The following CTNND2 variants were observed in gnomAD, a reference collection of about 807,000 sequenced individuals.
The protein encoded by CTNND2 is catenin delta 2.
In CTNND2, 22 loss-of-function variants were observed where a neutral mutation model predicts 144.4. The observed-to-expected ratio is 0.15, with a 90% CI of 0.11 to 0.22. CTNND2 has a LOEUF of 0.22. Among genes scored for constraint, CTNND2 ranks in the 10% least tolerant of loss-of-function variants. The pLI, the probability that CTNND2 is intolerant of heterozygous loss-of-function variation, is 1.00. For missense variants in CTNND2, 1,353 were observed against 1,618.8 expected, an observed-to-expected ratio of 0.84 and a Z score of 2.82; for synonymous variants, 751 against 695.6, an observed-to-expected ratio of 1.08 and a Z score of -1.25.
chr5:11,460,115 T>C (rs31950), intron 3 of CTNND2, among the ~76,000 whole-genome samples: 12,068 of 152,182 alleles, frequency 0.079, 1,475 homozygotes, highest in African/African-American at 0.26. Flanking sequence ...CTGTCTTCAA[T>C]ACATGATGCC....
At chr5:11,625,016 T>C (rs909245278) in intron 2 of CTNND2, among the ~76,000 whole-genome samples, 3 of 152,008 alleles carry the variant, frequency 2.0e-5, no homozygotes, top group Admixed American at 6.6e-5. Context: ...AAACAAAGTA[T>C]TTTTGAAAAA....
At chr5:11,541,847 C>CT (rs1561534077) in intron 3 of CTNND2, among the ~76,000 whole-genome samples, 1 of 142,492 alleles carries the variant, frequency 7.0e-6, no homozygotes, top group African/African-American at 2.9e-5. Context: ...GACCCCCCCC[C>CT]CCCGGCCAAA....
intron 9 of CTNND2, among the ~76,000 whole-genome samples, chr5:11,343,457 T>C (rs61750713): frequency 1.3e-4 from 20 of 152,170 alleles, no homozygotes; most frequent in Admixed American, 1.1e-3. Flanking sequence ...CCAGAACTAC[T>C]TAGACAATTT....
chr5:11,753,923 A>T (rs545703977), intron 1 of CTNND2, among the ~76,000 whole-genome samples: 1 of 151,330 alleles, frequency 6.6e-6, no homozygotes, highest in Admixed American at 6.6e-5. Context: ...CCAGGAATTT[A>T]TCAATTTCTT....
At chr5:11,723,589 T>C (rs34147395) in intron 2 of CTNND2, among the ~76,000 whole-genome samples, 36,417 of 152,006 alleles carry the variant, frequency 0.24, 5,217 homozygotes, top group African/African-American at 0.4. Context: ...ACTTTTGTGC[T>C]AAAATAAAAT....
At chr5:11,041,550 C>T (rs1561214163) in intron 16 of CTNND2, among the ~76,000 whole-genome samples, 1 of 152,052 alleles carries the variant, frequency 6.6e-6, no homozygotes, top group African/African-American at 2.4e-5. Flanking sequence ...TGACACCTTC[C>T]CTGTCATGCA....
At chr5:11,319,668 C>G (rs1053121932) in intron 9 of CTNND2, among the ~76,000 whole-genome samples, 1 of 152,074 alleles carries the variant, frequency 6.6e-6, no homozygotes, top group Non-Finnish European at 1.5e-5. Flanking sequence ...TTACAGGCTC[C>G]TGCCACCACA....
At chr5:11,232,446 C>T (rs1050432379) in intron 10 of CTNND2, among the ~76,000 whole-genome samples, 5 of 152,320 alleles carry the variant, frequency 3.3e-5, no homozygotes, top group South Asian at 4.1e-4. Context: ...GCGTGACCTG[C>T]GAGTGAGACA....
chr5:11,767,610 AG>A (rs1396740370), intron 1 of CTNND2, among the ~76,000 whole-genome samples: 1 of 152,204 alleles, frequency 6.6e-6, no homozygotes, highest in Admixed American at 6.5e-5. Flanking sequence ...AATGCTCAAT[AG>A]CCCCTCCTTC....
At chr5:11,389,418 T>C (rs1254650247) in intron 6 of CTNND2, among the ~76,000 whole-genome samples, 4 of 152,212 alleles carry the variant, frequency 2.6e-5, no homozygotes, top group Non-Finnish European at 5.9e-5. Flanking sequence ...ACAAATTATT[T>C]TATCTGTATA....
intron 1 of CTNND2, among the ~76,000 whole-genome samples, chr5:11,880,946 C>G (rs114616951): frequency 7.0e-6 from 1 of 143,028 alleles, no homozygotes; most frequent in African/African-American, 2.6e-5. Flanking sequence ...GCTACTAATA[C>G]TACTACTACT....
intron 2 of CTNND2, among the ~76,000 whole-genome samples, chr5:11,713,025 C>CA (rs1372082672): frequency 6.6e-6 from 1 of 152,062 alleles, no homozygotes; most frequent in East Asian, 1.9e-4. Flanking sequence ...GGTATGTACA[C>CA]AGTGCTGCAA....
At chr5:11,099,811 C>A (rs939675749) in intron 14 of CTNND2, among the ~76,000 whole-genome samples, 1 of 152,030 alleles carries the variant, frequency 6.6e-6, no homozygotes, top group Admixed American at 6.5e-5. Context: ...AAAAAATACA[C>A]ATATTCAGTT....
At position 11,218,407 on chromosome 5, in the gene CTNND2, C is replaced by A. The variant is rs185273280; in HGVS notation, c.1761+18284G>T. On this transcript the variant is annotated intron_variant, in intron 10 of 21. Transcript: ENST00000304623. ...TCATTATACCAGTAAAGTTGCATAT[C>A]AGAGTATCTTTTATCATTAGTAAGT... Among the ~76,000 whole-genome samples, 974 of 152,244 alleles carry A rather than the reference C, an allele frequency of 6.4e-3. 7 individuals are homozygous for A. The highest frequency in any genetic ancestry group is 9.8e-3 in the Non-Finnish European group (666 of 68,030).
intron 2 of CTNND2, among the ~76,000 whole-genome samples, chr5:11,631,385 C>A (rs1275272059): frequency 6.6e-6 from 1 of 152,180 alleles, no homozygotes. Flanking sequence ...ACACACTTTA[C>A]TACTATAAAA....
chr5:11,870,234 A>G (rs1028724616), intron 1 of CTNND2, among the ~76,000 whole-genome samples: 3 of 152,202 alleles, frequency 2.0e-5, no homozygotes, highest in Non-Finnish European at 2.9e-5. Flanking sequence ...CCCTAGAGAC[A>G]TTATTGGTTG....
intron 3 of CTNND2, among the ~76,000 whole-genome samples, chr5:11,456,263 G>A (rs1765724025): frequency 6.6e-6 from 1 of 151,798 alleles, no homozygotes; most frequent in South Asian, 2.1e-4. Flanking sequence ...GCGTCAAGGA[G>A]ACAATGTTGG....
chr5:11,287,568 T>C (rs1351214259), intron 9 of CTNND2, among the ~76,000 whole-genome samples: 4 of 152,250 alleles, frequency 2.6e-5, no homozygotes, highest in African/African-American at 4.8e-5. Context: ...CAAACACATA[T>C]ATGAATGGCA....
rs1447133055 is a variant in CTNND2, at chr5:11,110,902, C to T, written c.2419G>A (p.Gly807Arg). ...TTCTTCTTCTTCTTGCCCCAGCACC[C>T]AGAGCTCTCAGCATCCTTGCCATTG... ...EANGKDAESSGCWGKKKKKKK... is the reference protein window; with the variant it reads ...EANGKDAESSRCWGKKKKKKK... Residue 807 changes from glycine (G) to arginine (R), a missense_variant, in exon 14 of 22, where the codon GGG (glycine) becomes AGG (arginine). By Grantham distance (125) the Gly-to-Arg change is moderately radical (BLOSUM62 -2). Around this residue, in one of 4 missense-constraint regions of CTNND2, gnomAD observed 459 missense variants for 674.3 expected, o/e 0.68. Transcript: ENST00000304623. The T allele has an allele frequency of 3.7e-6, 6 of 1,614,082 alleles. No homozygotes were observed. Among genetic ancestry groups the T allele is most frequent in the Non-Finnish European group, 8.5e-7 (1 of 1,180,014 alleles).
Sources: gnomAD v4.1 joint callset for allele counts (sites outside exome capture counted in the v4.1 genomes callset) on GRCh38, gnomAD v4.1.1 for gene constraint, gnomAD v4.1.1 regional missense constraint, MANE v1.5 for transcripts, NCBI Gene and HGNC (gene_info 2026-07-23, HGNC 2026-07-21) for gene names.